DNAJC13: variants seen among roughly 807,000 people sequenced by gnomAD.
DNAJC13 encodes the protein DnaJ heat shock protein family (Hsp40) member C13, also known as dnaJ homolog subfamily C member 13.
A neutral mutation model predicts 290.5 loss-of-function variants in DNAJC13; 75 were observed. That is an observed-to-expected ratio of 0.26 (90% confidence interval 0.21 to 0.31). The LOEUF (loss-of-function observed/expected upper bound fraction) is 0.31. DNAJC13 is among the 10% of genes least tolerant of loss of function. The probability of loss-of-function intolerance (pLI) is 1.00; values close to 1 mark genes in which losing one functional copy is unlikely to be tolerated. For missense variants in DNAJC13, 2,260 were observed against 2,674.5 expected (o/e 0.85, Z 3.42); for synonymous variants, 862 against 892.0 (o/e 0.97, Z 0.60).
At position 132,528,068 on chromosome 3, in the gene DNAJC13, A is replaced by G. The variant is rs1936312034; in HGVS notation, c.6382-121A>G. The G allele has an allele frequency of 7.0e-6, 7 of 1,002,734 alleles. No homozygotes were observed. In the South Asian group the frequency reaches 7.8e-5, roughly 11 times the overall value. The allele number at this position is 1,002,734 out of a possible 1,614,324, so 62.1% of individuals were successfully genotyped here. ...TGTCATTAGATACTTAAGCCTGTGTATGGCATTAAAATACGGTGCAACAGG... is the reference window on the plus strand; with the variant it reads ...TGTCATTAGATACTTAAGCCTGTGTGTGGCATTAAAATACGGTGCAACAGG... On this transcript the variant is annotated intron_variant, in intron 53 of 55. Coordinates refer to ENST00000260818, the MANE Select transcript of DNAJC13 (RefSeq NM_015268.4).
chr3:132,482,828 C>T (rs545718647), intron 27 of DNAJC13, among the ~76,000 whole-genome samples: 7 of 151,496 alleles, frequency 4.6e-5, no homozygotes, highest in Non-Finnish European at 1.0e-4. Context: ...CACTGCAATC[C>T]AGCCTGGGCA....
chr3:132,440,578 G>A (rs1015754561), intron 2 of DNAJC13, among the ~76,000 whole-genome samples: 1 of 152,190 alleles, frequency 6.6e-6, no homozygotes, highest in Non-Finnish European at 1.5e-5. Context: ...TGTTACAGCT[G>A]CTTACAGTAT....
intron 2 of DNAJC13, among the ~76,000 whole-genome samples, chr3:132,442,615 C>T (rs1231712865): frequency 2.0e-5 from 3 of 152,102 alleles, no homozygotes; most frequent in African/African-American, 7.2e-5. Flanking sequence ...AAAGCAGTCG[C>T]CTCAAACACT....
At chr3:132,527,430 G>T (rs1361245472) in intron 53 of DNAJC13, among the ~76,000 whole-genome samples, 1 of 152,050 alleles carries the variant, frequency 6.6e-6, no homozygotes, top group Admixed American at 6.6e-5. Flanking sequence ...AGAGCTGTTG[G>T]GTACATCTCA....
rs769908486 is a variant in DNAJC13 at position 132,523,762 on chromosome 3, C to T, written c.6060+49C>T. On this transcript the variant is annotated intron_variant, in intron 51 of 55. Coordinates refer to ENST00000260818, the MANE Select transcript of DNAJC13 (RefSeq NM_015268.4). ...CATTTCAAAGACTTGGCTAACTAGA[C>T]TGATGGTGTTTCTCTTACAACCTTA... The T allele has an allele frequency of 4.5e-6, 7 of 1,552,092 alleles. No individual in the cohort carries two copies. In the African/African-American group the frequency reaches 9.6e-5, roughly 21 times the overall value.
intron 6 of DNAJC13, 36 bp from the exon 7 acceptor site, chr3:132,453,262 T>A: frequency 6.3e-7 from 1 of 1,593,448 alleles, no homozygotes. Flanking sequence ...TTCAGTTGTT[T>A]CAACTCTGAC....
chr3:132,471,994 G>C (rs1320952258), intron 20 of DNAJC13, among the ~76,000 whole-genome samples: 1 of 148,940 alleles, frequency 6.7e-6, no homozygotes, highest in East Asian at 2.0e-4. Flanking sequence ...CTGCAATCCC[G>C]GCACCTCGGG....
chr3:132,466,895 C>T (rs974624035), intron 19 of DNAJC13, among the ~76,000 whole-genome samples: 7 of 152,116 alleles, frequency 4.6e-5, no homozygotes, highest in Non-Finnish European at 7.4e-5. Context: ...TAATTTCTTA[C>T]GTGTATTCTT....
chr3:132,529,620 T>G (rs557952300), intron 54 of DNAJC13, among the ~76,000 whole-genome samples: 1 of 152,030 alleles, frequency 6.6e-6, no homozygotes, highest in Non-Finnish European at 1.5e-5. Context: ...ACCCCGTCTC[T>G]ACTAAAAATA....
intron 1 of DNAJC13, among the ~76,000 whole-genome samples, chr3:132,433,801 T>C (rs537483145): frequency 1.1e-4 from 16 of 152,242 alleles, no homozygotes; most frequent in South Asian, 2.1e-4. Flanking sequence ...GGGATGTTGA[T>C]AGAGGTCATT....
At chr3:132,451,678 G>C (rs1306043601) in intron 6 of DNAJC13, among the ~76,000 whole-genome samples, 1 of 152,072 alleles carries the variant, frequency 6.6e-6, no homozygotes, top group African/African-American at 2.4e-5. Context: ...AGCTACCTTA[G>C]TGTTCCGGGA....
chr3:132,514,413 G>T (rs1054097999), intron 45 of DNAJC13, among the ~76,000 whole-genome samples, 158 bp from the exon 46 acceptor site: 1 of 152,058 alleles, frequency 6.6e-6, no homozygotes, highest in African/African-American at 2.4e-5. Flanking sequence ...TTTCCAAAGA[G>T]ATTAATAAAG....
At chr3:132,527,286 T>C (rs1289365012) in intron 53 of DNAJC13, among the ~76,000 whole-genome samples, 1 of 152,222 alleles carries the variant, frequency 6.6e-6, no homozygotes, top group African/African-American at 2.4e-5. Context: ...TTCAGTGGTT[T>C]CTCATTACCT....
rs542865691 is a variant in DNAJC13, at chr3:132,499,114, T to G, written c.4157-12T>G. 1 of 1,562,194 alleles carries G rather than the reference T, an allele frequency of 6.4e-7. No individual in the cohort carries two copies. The highest frequency in any genetic ancestry group is 2.3e-5 in the East Asian group (1 of 43,880). On this transcript the variant is annotated splice_polypyrimidine_tract_variant and intron_variant, in intron 36 of 55. Transcript: ENST00000260818. ...GTTTTGTTTTTCTAACACTAACCAT[T>G]GGTTATTTCAGATTTACAGCCTTAT... is the stretch of plus-strand genomic sequence containing the variant.
intron 1 of DNAJC13, among the ~76,000 whole-genome samples, chr3:132,424,032 T>C (rs1050116274): frequency 2.0e-5 from 3 of 152,194 alleles, no homozygotes; most frequent in African/African-American, 7.2e-5. Flanking sequence ...TAGTTTGTTC[T>C]TGCATAAGCC....
At chr3:132,427,133 A>ATTTTTT (rs35154589) in intron 1 of DNAJC13, among the ~76,000 whole-genome samples, 2 of 122,180 alleles carry the variant, frequency 1.6e-5, no homozygotes, top group African/African-American at 6.5e-5. Context: ...ATATATATAT[A>ATTTTTT]TTTTTTTTTT....
At chr3:132,535,388 T>G (rs1004489814) in intron 55 of DNAJC13, among the ~76,000 whole-genome samples, 1 of 152,216 alleles carries the variant, frequency 6.6e-6, no homozygotes, top group Non-Finnish European at 1.5e-5. Context: ...GATAAATGCT[T>G]ATTTAAAGGT....
At chr3:132,447,688 A>G (rs888147789) in intron 4 of DNAJC13, among the ~76,000 whole-genome samples, 1 of 152,140 alleles carries the variant, frequency 6.6e-6, no homozygotes, top group Non-Finnish European at 1.5e-5. Context: ...TTTTAATTGC[A>G]TATGCAGGAG....
At position 132,471,944 on chromosome 3, in the gene DNAJC13, A is replaced by C. The variant is rs1457711072; in HGVS notation, c.2209-1201A>C. Among the ~76,000 whole-genome samples the C allele has an allele frequency of 1.8e-3, 260 of 145,092 alleles. 1 individual carries two copies. Among genetic ancestry groups the C allele is most frequent in the Non-Finnish European group, 3.2e-3 (210 of 65,276 alleles). ...AGCCGAGATCACGCCACTGCACTCC[A>C]GCCTGGGCACCATTGAGCACTGAGT... On this transcript the variant is annotated intron_variant, in intron 20 of 55. Transcript: ENST00000260818.
Sources: allele counts gnomAD v4.1 joint callset (sites outside exome capture counted in the v4.1 genomes callset), GRCh38; gene constraint gnomAD v4.1.1; transcripts MANE v1.5; gene names NCBI Gene and HGNC (gene_info 2026-07-23, HGNC 2026-07-21).